The following ENTREP2 variants were observed in gnomAD, a reference collection of about 807,000 sequenced individuals.
ENTREP2 encodes the protein endosomal transmembrane epsin interactor 2, also known as protein ENTREP2.
At chr15:29,663,606 C>A in the ENTREP2 span, among the ~76,000 whole-genome samples, 1 of 152,010 alleles carries the variant, frequency 6.6e-6, no homozygotes, top group African/African-American at 2.4e-5. Flanking sequence ...AGCAAACCAT[C>A]GCAAGGACAA....
the ENTREP2 span, among the ~76,000 whole-genome samples, chr15:29,549,681 C>A: frequency 6.6e-6 from 1 of 152,216 alleles, no homozygotes; most frequent in African/African-American, 2.4e-5. Context: ...TCTTCTTCAC[C>A]TTCTGCTCTG....
chr15:29,419,641 C>T, the ENTREP2 span, among the ~76,000 whole-genome samples: 1 of 152,074 alleles, frequency 6.6e-6, no homozygotes, highest in Non-Finnish European at 1.5e-5. Flanking sequence ...TGGCCATTTA[C>T]ACAAAAGAAA....
chr15:29,655,490 T>C, the ENTREP2 span, among the ~76,000 whole-genome samples: 1 of 151,936 alleles, frequency 6.6e-6, no homozygotes, highest in Non-Finnish European at 1.5e-5. Context: ...CAACTAAAAA[T>C]TACAAGACAC....
chr15:29,338,021 G>A, the ENTREP2 span, among the ~76,000 whole-genome samples: 2 of 151,882 alleles, frequency 1.3e-5, no homozygotes, highest in African/African-American at 4.8e-5. Flanking sequence ...AGATTCCTTT[G>A]CAAAAAGGAA....
the ENTREP2 span, among the ~76,000 whole-genome samples, chr15:29,143,368 TG>T: frequency 6.6e-6 from 1 of 152,126 alleles, no homozygotes; most frequent in Non-Finnish European, 1.5e-5. Context: ...CCTGCTAACA[TG>T]GAGGAGCAGG....
the ENTREP2 span, among the ~76,000 whole-genome samples, chr15:29,483,997 T>C: frequency 1.3e-5 from 2 of 152,190 alleles, no homozygotes; most frequent in South Asian, 2.1e-4. Context: ...TCCTCTGCAG[T>C]CCTGGAGCTC....
the ENTREP2 span, among the ~76,000 whole-genome samples, chr15:29,212,588 T>G: frequency 0.067 from 10,141 of 152,232 alleles, 1,153 homozygotes; most frequent in African/African-American, 0.23. Flanking sequence ...GAGTGTCAGT[T>G]TGTGCTCTTT....
the ENTREP2 span, among the ~76,000 whole-genome samples, chr15:29,289,522 G>A: frequency 1.3e-5 from 2 of 152,214 alleles, no homozygotes; most frequent in East Asian, 1.9e-4. Context: ...TATGCACCCC[G>A]AAATTTCACT....
At chr15:29,381,884 G>A in the ENTREP2 span, 49 of 1,503,374 alleles carry the variant, frequency 3.3e-5, no homozygotes, top group Non-Finnish European at 4.3e-5. Context: ...CCTTGCATGG[G>A]CAATCAAAAC....
chr15:29,179,119 T>C, the ENTREP2 span, among the ~76,000 whole-genome samples: 3 of 152,254 alleles, frequency 2.0e-5, no homozygotes, highest in Non-Finnish European at 4.4e-5. Context: ...CATTAGGACA[T>C]TGAATTTACC....
At chr15:29,623,433 G>A in the ENTREP2 span, among the ~76,000 whole-genome samples, 1 of 152,188 alleles carries the variant, frequency 6.6e-6, no homozygotes, top group Non-Finnish European at 1.5e-5. Context: ...TTTCCAGCAG[G>A]GGAACTGGGG....
At chr15:29,514,518 T>C in the ENTREP2 span, among the ~76,000 whole-genome samples, 15 of 152,210 alleles carry the variant, frequency 9.9e-5, 1 homozygote. Context: ...TCCATGAACA[T>C]AGGTGTGCAA....
At chr15:29,522,021 G>A in the ENTREP2 span, among the ~76,000 whole-genome samples, 31 of 152,268 alleles carry the variant, frequency 2.0e-4, no homozygotes, top group South Asian at 1.7e-3. Context: ...GCAATTCTGC[G>A]AGGAAAGGAT....
chr15:29,569,048 G>T, the ENTREP2 span, among the ~76,000 whole-genome samples: 1 of 152,164 alleles, frequency 6.6e-6, no homozygotes, highest in Non-Finnish European at 1.5e-5. Flanking sequence ...CTCAGTGCCC[G>T]CTAGACAGAC....
the ENTREP2 span, among the ~76,000 whole-genome samples, chr15:29,463,388 G>A: frequency 6.6e-6 from 1 of 152,190 alleles, no homozygotes; most frequent in African/African-American, 2.4e-5. Context: ...AGGTCCAGGG[G>A]CTGCTTAGGG....
chr15:29,341,590 C>T, the ENTREP2 span, among the ~76,000 whole-genome samples: 3 of 152,300 alleles, frequency 2.0e-5, no homozygotes, highest in African/African-American at 7.2e-5. Context: ...TTCCAGGTGC[C>T]GCGCAGACAG....
At chr15:29,203,729 T>C in the ENTREP2 span, among the ~76,000 whole-genome samples, 1 of 152,226 alleles carries the variant, frequency 6.6e-6, no homozygotes, top group East Asian at 1.9e-4. Context: ...TACCCTTTGA[T>C]CTATATCCTC....
the ENTREP2 span, among the ~76,000 whole-genome samples, chr15:29,577,009 G>A: frequency 5.9e-5 from 9 of 151,874 alleles, no homozygotes; most frequent in Admixed American, 2.0e-4. Context: ...GGGTTTCACC[G>A]TGTTAGCCAG....
chr15:29,425,851 C>A, the ENTREP2 span, among the ~76,000 whole-genome samples: 1 of 152,064 alleles, frequency 6.6e-6, no homozygotes, highest in East Asian at 1.9e-4. Flanking sequence ...CTCAACCTGC[C>A]TCCCAGATTT....
Sources: allele counts gnomAD v4.1 joint callset (sites outside exome capture counted in the v4.1 genomes callset), GRCh38; gene constraint gnomAD v4.1.1; transcripts MANE v1.5; gene names NCBI Gene and HGNC (gene_info 2026-07-23, HGNC 2026-07-21).